FRMPD3: variants seen among roughly 807,000 people sequenced by gnomAD.
FRMPD3 encodes FERM and PDZ domain containing 3.
A neutral mutation model predicts 97.9 loss-of-function variants in FRMPD3; 42 were observed. The observed-to-expected ratio is 0.43, with a 90% confidence interval of 0.34 to 0.55. The LOEUF (loss-of-function observed/expected upper bound fraction) is 0.55. FRMPD3 is among the 20% of genes least tolerant of loss of function. The pLI, the probability that FRMPD3 is intolerant of heterozygous loss-of-function variation, is 0.03. For synonymous variants in FRMPD3, 577 were observed against 581.1 expected (o/e 0.99, Z 0.10); for missense variants, 1,303 against 1,457.7 (o/e 0.89, Z 1.73).
Position 107,563,209 on chromosome X carries a change from C to T in FRMPD3, c.1116+9C>T, listed in dbSNP as rs768196424. On this transcript the variant is annotated intron_variant, in intron 11 of 14. Transcript: ENST00000683843. Reference sequence around the variant, plus strand: ...TCAACACTGTAGGCCTGGTCAGTGGCGCAGGATTGGGGGATGTGGGGAGGG... The same window carrying T: ...TCAACACTGTAGGCCTGGTCAGTGGTGCAGGATTGGGGGATGTGGGGAGGG... 38 of 1,192,086 alleles carry T rather than the reference C, an allele frequency of 3.2e-5. No individual in the cohort carries two copies. The highest frequency in any genetic ancestry group is 4.0e-5 in the Non-Finnish European group (35 of 881,270).
chrX:107,600,435 T>C lies in FRMPD3; in HGVS notation c.2396T>C (p.Leu799Pro). The C allele has an allele frequency of 8.3e-7, 1 of 1,210,660 alleles. No individual in the cohort carries two copies. The highest frequency in any genetic ancestry group is 1.1e-6 in the Non-Finnish European group (1 of 895,277). The change falls in exon 15 of 15, where the codon CTG becomes CCG. Residue 799 changes from leucine to proline, a missense_variant. Leu to Pro is a moderately conservative substitution (Grantham distance 98, BLOSUM62 -3). Around this residue, in one of 3 missense-constraint regions of FRMPD3, gnomAD observed 764 missense variants for 820.2 expected, o/e 0.93. Coordinates refer to ENST00000683843, the MANE Select transcript of FRMPD3 (RefSeq NM_001388459.1). ...CAGCACCAGAACACCACCTACTTCC[T>C]GGCCCAGCACCTCAACAAGGACAGC... ...MKQHQNTTYF[L>P]AQHLNKDSLL...
At chrX:107,529,669 T>G (rs1922849694) in intron 2 of FRMPD3, among the ~76,000 whole-genome samples, 1 of 111,946 alleles carries the variant, frequency 8.9e-6, no homozygotes, top group South Asian at 3.8e-4. Context: ...TTTGTTCCCC[T>G]CATTTATTGG....
At chrX:107,589,958 C>T (rs1923828152) in intron 13 of FRMPD3, among the ~76,000 whole-genome samples, 1 of 111,530 alleles carries the variant, frequency 9.0e-6, no homozygotes, top group Admixed American at 9.5e-5. Context: ...CAAGACTAGC[C>T]TGGCCAATAT....
chrX:107,602,345 T>G lies in FRMPD3; in HGVS notation c.4306T>G (p.Leu1436Val). ...GGTAGAGGCAAGCCTCCCCATAGCC[T>G]TGGGTCCCAAAAGCAGGTCTCTGGA... Reference protein sequence around the residue: ...KEVEASLPIALGPKSRSLESP... With the variant: ...KEVEASLPIAVGPKSRSLESP... The change falls in exon 15 of 15, where the codon TTG (leucine) becomes GTG (valine). Residue 1436 changes from leucine to valine, a missense_variant. Physicochemically the swap from Leu to Val is conservative, Grantham distance 32 (BLOSUM62 1). This residue lies in a region of FRMPD3 where 764 missense variants were observed against 820.2 expected (regional missense o/e 0.93). Transcript: ENST00000683843. The G allele has an allele frequency of 8.3e-7, 1 of 1,210,359 alleles. No individual in the cohort carries two copies. The highest frequency in any genetic ancestry group is 1.1e-6 in the Non-Finnish European group (1 of 895,143).
At chrX:107,478,428 G>A (rs1022707612) in intron 1 of FRMPD3, among the ~76,000 whole-genome samples, 1 of 111,762 alleles carries the variant, frequency 8.9e-6, no homozygotes, top group Non-Finnish European at 1.9e-5. Flanking sequence ...TAGATGTCAG[G>A]CTCCCAGTTC....
chrX:107,522,239 C>T (rs1922531325), intron 1 of FRMPD3, among the ~76,000 whole-genome samples: 2 of 111,806 alleles, frequency 1.8e-5, no homozygotes, highest in South Asian at 7.7e-4. Context: ...CCTCCAGCCA[C>T]CCCGAATAAT....
chrX:107,462,389 A>AGGAAG (rs1931492999), intron 1 of FRMPD3, among the ~76,000 whole-genome samples: 1 of 112,076 alleles, frequency 8.9e-6, no homozygotes, highest in Non-Finnish European at 1.9e-5. Flanking sequence ...TAATTAGTAG[A>AGGAAG]GGAAGGGGAG....
In FRMPD3 at chrX:107,601,928, C is replaced by T. The variant is rs746197280; in HGVS notation, c.3889C>T (p.Arg1297Cys). The change falls in exon 15 of 15, where the codon CGC becomes TGC. Residue 1297 changes from arginine to cysteine, a missense_variant. This residue lies in a region of FRMPD3 where 764 missense variants were observed against 820.2 expected (regional missense o/e 0.93). Coordinates refer to ENST00000683843, the MANE Select transcript of FRMPD3 (RefSeq NM_001388459.1). ...GCCTGGCATGTCCCGTGAGCAGAGG[C>T]GCAGCTGTGACTGCAAGCGCATCTG... is the stretch of plus-strand genomic sequence containing the variant. Reference protein sequence around the residue: ...QGPGMSREQRRSCDCKRICRG... With the variant: ...QGPGMSREQRCSCDCKRICRG... The T allele has an allele frequency of 1.2e-5, 14 of 1,183,308 alleles. No homozygotes were observed. The highest frequency in any genetic ancestry group is 1.8e-5 in the African/African-American group (1 of 56,848).
intron 5 of FRMPD3, among the ~76,000 whole-genome samples, chrX:107,548,459 ATCAT>A (rs1248242681): frequency 8.9e-6 from 1 of 112,228 alleles, no homozygotes; most frequent in Non-Finnish European, 1.9e-5. Context: ...GATGAGAGTG[ATCAT>A]TCAGTAAGTG....
chrX:107,582,220 G>A (rs935746871), intron 13 of FRMPD3, among the ~76,000 whole-genome samples: 9 of 107,562 alleles, frequency 8.4e-5, no homozygotes, highest in Non-Finnish European at 1.5e-4. Context: ...GTCTCACTCC[G>A]TCACCCAGAA....
intron 1 of FRMPD3, among the ~76,000 whole-genome samples, chrX:107,489,552 A>G (rs1921601007): frequency 1.8e-5 from 2 of 111,740 alleles, no homozygotes; most frequent in Admixed American, 1.9e-4. Flanking sequence ...ATGGTATCTC[A>G]TTGTGGTTTT....
At position 107,596,914 on chromosome X, in the gene FRMPD3, C is replaced by G. The variant is rs139864485; in HGVS notation, c.1442-407C>G. On this transcript the variant is annotated intron_variant, in intron 13 of 14. Coordinates refer to ENST00000683843, the MANE Select transcript of FRMPD3 (RefSeq NM_001388459.1). ...ACAACAGAGCACTGGTGGAAAAGCT[C>G]TGAAAAGGGGTGGGGACAGGGGTAG... 2.4e-3 allele frequency among the ~76,000 whole-genome samples: 269 copies of G among 111,927 alleles called. 1 individual carries two copies. Among genetic ancestry groups the G allele is most frequent in the African/African-American group, 8.2e-3 (254 of 30,818 alleles).
chrX:107,474,838 G>A (rs1467765056), intron 1 of FRMPD3, among the ~76,000 whole-genome samples: 2 of 111,890 alleles, frequency 1.8e-5, no homozygotes, highest in African/African-American at 3.2e-5. Context: ...ACACGGGGGG[G>A]AAAAAGGATA....
In FRMPD3 at chrX:107,601,337, A is replaced by G. The variant is rs368156988; in HGVS notation, c.3298A>G (p.Ile1100Val). 6 of 1,204,252 alleles carry G rather than the reference A, an allele frequency of 5.0e-6. No individual in the cohort carries two copies. The highest frequency in any genetic ancestry group is 6.7e-6 in the Non-Finnish European group (6 of 892,178). The change falls in exon 15 of 15, where the codon ATC becomes GTC. Residue 1100 changes from isoleucine to valine, a missense_variant. Coordinates refer to ENST00000683843, the MANE Select transcript of FRMPD3 (RefSeq NM_001388459.1). Reference sequence around the variant, plus strand: ...GCCCACCCTGCAGAAGCAGGGCACCATCTCCAGCCAAGGGGAGAAGGCGCA... The same window carrying G: ...GCCCACCCTGCAGAAGCAGGGCACCGTCTCCAGCCAAGGGGAGAAGGCGCA... ...GKPTLQKQGTISSQGEKAQLE... is the reference protein window; with the variant it reads ...GKPTLQKQGTVSSQGEKAQLE...
In FRMPD3 at chrX:107,600,809, G is replaced by A; in HGVS notation, c.2770G>A (p.Glu924Lys). ...GGCAGCCACATCATCCCTCAGTGAAGAGCAGGTCTCTGAGCTGAGGGACAA... is the reference window on the plus strand; with the variant it reads ...GGCAGCCACATCATCCCTCAGTGAAAAGCAGGTCTCTGAGCTGAGGGACAA... The part of the protein sequence containing the change: ...LRAATSSLSE[E>K]QVSELRDNLP... Residue 924 changes from glutamate (E) to lysine (K), a missense_variant, in exon 15 of 15, where the codon GAG becomes AAG. Around this residue, in one of 3 missense-constraint regions of FRMPD3, gnomAD observed 764 missense variants for 820.2 expected, o/e 0.93. Coordinates refer to ENST00000683843, the MANE Select transcript of FRMPD3 (RefSeq NM_001388459.1). 1 of 1,209,298 alleles carries A rather than the reference G, an allele frequency of 8.3e-7. No individual in the cohort carries two copies. Among genetic ancestry groups the A allele is most frequent in the Non-Finnish European group, 1.1e-6 (1 of 894,600 alleles).
At chrX:107,557,031 T>C (rs1922111812) in intron 8 of FRMPD3, among the ~76,000 whole-genome samples, 1 of 112,599 alleles carries the variant, frequency 8.9e-6, no homozygotes, top group Admixed American at 9.4e-5. Context: ...TCTTTAATTT[T>C]GTAAAGAAAC....
chrX:107,490,409 T>A (rs1393232440), intron 1 of FRMPD3, among the ~76,000 whole-genome samples: 1 of 112,238 alleles, frequency 8.9e-6, no homozygotes, highest in Non-Finnish European at 1.9e-5. Context: ...ATGCATTGAA[T>A]CTATAAATTG....
chrX:107,496,377 G>A (rs1330201280), intron 1 of FRMPD3, among the ~76,000 whole-genome samples: 1 of 111,381 alleles, frequency 9.0e-6, no homozygotes, highest in African/African-American at 3.3e-5. Flanking sequence ...GAATGGGAAG[G>A]TAGACAAGAG....
At chrX:107,450,892 C>G (rs1476569567) in intron 1 of FRMPD3, among the ~76,000 whole-genome samples, 1 of 106,467 alleles carries the variant, frequency 9.4e-6, no homozygotes, top group Non-Finnish European at 1.9e-5. Context: ...AGCAACCCCC[C>G]GTCACACGCA....
Sources: gnomAD v4.1 joint callset for allele counts (sites outside exome capture counted in the v4.1 genomes callset) on GRCh38, gnomAD v4.1.1 for gene constraint, gnomAD v4.1.1 regional missense constraint, MANE v1.5 for transcripts, NCBI Gene and HGNC (gene_info 2026-07-23, HGNC 2026-07-21) for gene names.